Variants in GALNT11 observed in about 807,000 individuals in gnomAD.
GALNT11 encodes polypeptide N-acetylgalactosaminyltransferase 11, also known as UDP-GalNAc:polypeptide N-acetylgalactosaminyltransferase 11.
A neutral mutation model predicts 72.7 loss-of-function variants in GALNT11; 47 were observed. The observed-to-expected ratio is 0.65, with a 90% CI of 0.51 to 0.82. GALNT11 has a LOEUF of 0.82. Ranked by LOEUF, GALNT11 falls within the 40% of genes least tolerant of loss-of-function variation. The probability of loss-of-function intolerance (pLI) is 0.00; values close to 1 mark genes in which losing one functional copy is unlikely to be tolerated. For missense variants in GALNT11, 677 were observed against 778.4 expected, an observed-to-expected ratio of 0.87 and a Z score of 1.55; for synonymous variants, 270 against 286.6, an observed-to-expected ratio of 0.94 and a Z score of 0.58.
At chr7:152,073,439 C>T (rs757103655) in intron 1 of GALNT11, among the ~76,000 whole-genome samples, 3 of 152,186 alleles carry the variant, frequency 2.0e-5, no homozygotes, top group East Asian at 3.8e-4. Context: ...CACTTAATAT[C>T]CTCCAGTTCC....
rs1178770346 is a variant in GALNT11, at chr7:152,108,185, C to T, written c.860C>T (p.Ser287Phe). 6.2e-6 allele frequency: 10 copies of T among 1,614,046 alleles called. No individual in the cohort carries two copies. The highest frequency in any genetic ancestry group is 2.2e-5 in the East Asian group (1 of 44,890). Residue 287 changes from serine (S) to phenylalanine (F), a missense_variant, in exon 6 of 12, where the codon TCC (serine) becomes TTC (phenylalanine). Ser to Phe is a radical substitution (Grantham distance 155). Transcript: ENST00000430044. ...ISADTLAYSSSPVVRGGFNWG... is the reference protein window; with the variant it reads ...ISADTLAYSSFPVVRGGFNWG... Reference sequence around the variant, plus strand: ...GCCGACACGCTGGCCTACAGCTCGTCCCCTGTCGTCCGCGGAGGGTTCAAC... The same window carrying T: ...GCCGACACGCTGGCCTACAGCTCGTTCCCTGTCGTCCGCGGAGGGTTCAAC...
At chr7:152,109,026 A>G (rs748540711) in intron 6 of GALNT11, among the ~76,000 whole-genome samples, 33 of 152,178 alleles carry the variant, frequency 2.2e-4, no homozygotes, top group Non-Finnish European at 4.1e-4. Flanking sequence ...TTGTTGTTAT[A>G]TACAACAATA....
chr7:152,057,004 A>ATTTTTTTTTTTT (rs71198754), intron 1 of GALNT11, among the ~76,000 whole-genome samples: 3 of 74,926 alleles, frequency 4.0e-5, no homozygotes, highest in Non-Finnish European at 8.1e-5. Flanking sequence ...ATGCCCAGCT[A>ATTTTTTTTTTTT]TTTTTTTTTT....
chr7:152,087,764 G>C (rs1049848653), intron 1 of GALNT11, among the ~76,000 whole-genome samples: 4 of 152,118 alleles, frequency 2.6e-5, no homozygotes, highest in Admixed American at 6.5e-5. Context: ...TGCAAAGGGT[G>C]GTGTTTTGTG....
intron 4 of GALNT11, chr7:152,104,583 C>G (rs1227176221): frequency 6.6e-6 from 1 of 151,788 alleles, no homozygotes; most frequent in Non-Finnish European, 1.5e-5. Context: ...TTTTGGTTTT[C>G]ACTTTGTGGC....
chr7:152,121,714 G>A lies in GALNT11; in HGVS notation c.*37G>A, dbSNP rs533390716. 1.7e-5 allele frequency: 27 copies of A among 1,599,492 alleles called. No homozygotes were observed. Among genetic ancestry groups the A allele is most frequent in the Admixed American group, 6.8e-5 (4 of 58,872 alleles). On this transcript the variant is annotated 3_prime_UTR_variant, in exon 12 of 12. Coordinates refer to ENST00000430044, the MANE Select transcript of GALNT11 (RefSeq NM_022087.4). ...TGGTGGGAACGTTGCTTCATCAGGC[G>A]TTGCCTCCGGTGTGGAGTTTGGGGC... is the stretch of plus-strand genomic sequence containing the variant.
chr7:152,105,214 A>C (rs2087403611), intron 4 of GALNT11, 31 bp from the exon 5 acceptor site: 1 of 1,605,904 alleles, frequency 6.2e-7, no homozygotes, highest in Non-Finnish European at 8.5e-7. Context: ...TGTCTCATAC[A>C]GTTTGAATAA....
chr7:152,096,563 A>G (rs1322576922), intron 2 of GALNT11, among the ~76,000 whole-genome samples: 1 of 151,998 alleles, frequency 6.6e-6, no homozygotes, highest in Non-Finnish European at 1.5e-5. Flanking sequence ...CTAAAATACA[A>G]AATTAGGTGG....
At chr7:152,086,853 T>A (rs891488748) in intron 1 of GALNT11, among the ~76,000 whole-genome samples, 2 of 152,254 alleles carry the variant, frequency 1.3e-5, no homozygotes, top group Admixed American at 1.3e-4. Context: ...GAGTTGTTTC[T>A]TGTACCTTTT....
chr7:152,055,186 ACT>A (rs1461997610), intron 1 of GALNT11, among the ~76,000 whole-genome samples: 1 of 151,912 alleles, frequency 6.6e-6, no homozygotes, highest in Non-Finnish European at 1.5e-5. Flanking sequence ...TTCTTTAAAG[ACT>A]CTATCTGTAA....
chr7:152,057,166 C>G (rs1362229101), intron 1 of GALNT11, among the ~76,000 whole-genome samples: 2 of 151,640 alleles, frequency 1.3e-5, no homozygotes, highest in African/African-American at 4.8e-5. Flanking sequence ...CAGATACTTT[C>G]TTTTTTAAAA....
At chr7:152,038,147 A>G (rs534664079) in intron 1 of GALNT11, among the ~76,000 whole-genome samples, 100 of 152,308 alleles carry the variant, frequency 6.6e-4, no homozygotes, top group Non-Finnish European at 1.2e-3. Context: ...CAGCTGGGTC[A>G]TGGAGACCCT....
intron 1 of GALNT11, among the ~76,000 whole-genome samples, chr7:152,042,944 C>A (rs1246667630): frequency 1.3e-5 from 2 of 152,184 alleles, no homozygotes; most frequent in Non-Finnish European, 2.9e-5. Flanking sequence ...ATTGAAATGT[C>A]CGCTCCTGTA....
Position 152,100,913 on chromosome 7 carries a change from G to A in GALNT11, c.411G>A (p.Arg137=). The change falls in exon 3 of 12, where the codon AGG becomes AGA. Residue 137 remains arginine (R), a synonymous_variant. Coordinates refer to ENST00000430044, the MANE Select transcript of GALNT11 (RefSeq NM_022087.4). The part of the protein sequence containing the change: ...LGYHRDVPDT[R]NAACKEKFYP... ...ACCACAGAGATGTGCCAGACACAAG[G>A]AATGCAGCGTATGTGCCTTATCGGA... The A allele has an allele frequency of 6.2e-7, 1 of 1,613,804 alleles. No individual in the cohort carries two copies. Among genetic ancestry groups the A allele is most frequent in the Non-Finnish European group, 8.5e-7 (1 of 1,179,878 alleles).
chr7:152,076,624 C>G (rs1047173752), intron 1 of GALNT11, among the ~76,000 whole-genome samples: 3 of 152,176 alleles, frequency 2.0e-5, no homozygotes, highest in African/African-American at 7.2e-5. Flanking sequence ...GGACTGCCCT[C>G]AGGTAGGTAC....
intron 1 of GALNT11, among the ~76,000 whole-genome samples, chr7:152,060,321 TTC>T (rs2083927247): frequency 6.6e-6 from 1 of 152,208 alleles, no homozygotes. Flanking sequence ...CTGTGTCACT[TTC>T]TTATTCCTGT....
intron 1 of GALNT11, among the ~76,000 whole-genome samples, chr7:152,059,888 A>C (rs905642058): frequency 6.6e-6 from 1 of 152,252 alleles, no homozygotes; most frequent in African/African-American, 2.4e-5. Flanking sequence ...CAGCTGCATC[A>C]GCCCCTAACA....
intron 1 of GALNT11, among the ~76,000 whole-genome samples, chr7:152,054,678 A>AT (rs765064933): frequency 0.013 from 1,811 of 143,052 alleles, 18 homozygotes; most frequent in Middle Eastern, 0.044. Context: ...TGTCTGGCTA[A>AT]TTTTTTTTTT....
At chr7:152,089,892 A>C (rs753379356) in intron 1 of GALNT11, among the ~76,000 whole-genome samples, 1 of 152,228 alleles carries the variant, frequency 6.6e-6, no homozygotes, top group African/African-American at 2.4e-5. Context: ...TTTACTTTCT[A>C]CAGGTTCTAC....
Sources: gnomAD v4.1 joint callset for allele counts (sites outside exome capture counted in the v4.1 genomes callset) on GRCh38, gnomAD v4.1.1 for gene constraint, MANE v1.5 for transcripts, NCBI Gene and HGNC (gene_info 2026-07-23, HGNC 2026-07-21) for gene names.